Variants in PDE7B observed in about 807,000 individuals in gnomAD.
PDE7B encodes the protein 3',5'-cyclic-AMP phosphodiesterase 7B.
In PDE7B, 29 loss-of-function variants were observed where a neutral mutation model predicts 56.2. The ratio of observed to expected loss-of-function variants is 0.52; its 90% CI spans 0.38 to 0.70. The LOEUF (loss-of-function observed/expected upper bound fraction) is 0.70, where lower values mean the gene tolerates loss of function less well. Ranked by LOEUF, PDE7B falls within the 30% of genes least tolerant of loss-of-function variation. The probability of loss-of-function intolerance (pLI) is 0.00; values close to 1 mark genes in which losing one functional copy is unlikely to be tolerated. For missense variants in PDE7B, 490 were observed against 565.0 expected (o/e 0.87, Z 1.35); for synonymous variants, 197 against 196.9 (o/e 1.00, Z 0.00).
chr6:135,950,543 T>A (rs1363791147), intron 2 of PDE7B, among the ~76,000 whole-genome samples: 1 of 152,160 alleles, frequency 6.6e-6, no homozygotes, highest in Non-Finnish European at 1.5e-5. Flanking sequence ...TGGGGCCACC[T>A]CAATATTCAG....
chr6:136,124,821 T>C (rs1011255737), intron 3 of PDE7B, among the ~76,000 whole-genome samples: 5 of 152,194 alleles, frequency 3.3e-5, no homozygotes. Context: ...AAAGTTAAAT[T>C]ATATATAACA....
At position 135,948,774 on chromosome 6, in the gene PDE7B, A is replaced by G. The variant is rs1268936217; in HGVS notation, c.82+1250A>G. Among the ~76,000 whole-genome samples, 4 of 151,834 alleles carry G rather than the reference A, an allele frequency of 2.6e-5. No homozygotes were observed. In the East Asian group the frequency reaches 7.7e-4, roughly 29 times the overall value. On this transcript the variant is annotated intron_variant, in intron 2 of 12. Transcript: ENST00000308191. The stretch of plus-strand genomic sequence containing the variant: ...GCATTGCATCCATACACCCATTTCA[A>G]ATATCCAATATTCCTTCCCCTTGAA...
chr6:135,967,493 C>T (rs972188058), intron 2 of PDE7B, among the ~76,000 whole-genome samples: 4 of 152,108 alleles, frequency 2.6e-5, no homozygotes, highest in African/African-American at 9.7e-5. Context: ...ATTGCTAGCA[C>T]CAGAACTTCA....
intron 2 of PDE7B, among the ~76,000 whole-genome samples, chr6:136,100,946 T>C (rs2128217153): frequency 6.6e-6 from 1 of 152,352 alleles, no homozygotes; most frequent in South Asian, 2.1e-4. Context: ...GTTCCATCAA[T>C]ACATAGTTTA....
At chr6:136,180,827 G>A (rs74449314) in intron 10 of PDE7B, among the ~76,000 whole-genome samples, 5,342 of 152,270 alleles carry the variant, frequency 0.035, 289 homozygotes, top group Admixed American at 0.13. Flanking sequence ...TGATGTATGG[G>A]GTTTGTCAGT....
At chr6:136,163,040 G>C (rs776388910) in intron 8 of PDE7B, among the ~76,000 whole-genome samples, 10 of 152,134 alleles carry the variant, frequency 6.6e-5, no homozygotes, top group Non-Finnish European at 1.0e-4. Flanking sequence ...GCTATAGGTG[G>C]ATCTACCATT....
At position 135,851,858 on chromosome 6, in the gene PDE7B, CT is replaced by C. The variant is rs60347338; in HGVS notation, c.-128del. The C allele has an allele frequency of 0.14, 66,449 of 479,414 alleles. 232 individuals carry two copies. Among genetic ancestry groups the C allele is most frequent in the Non-Finnish European group, 0.15 (40,063 of 263,668 alleles). 29.7% of individuals were successfully genotyped at this position (479,414 alleles called of 1,614,324 possible). On this transcript the variant is annotated 5_prime_UTR_variant, in exon 1 of 13. Coordinates refer to ENST00000308191, the MANE Select transcript of PDE7B (RefSeq NM_018945.4). ...TTCTTTATTTCTTTTCCTTTTTTTT[CT>C]TTTTTTTTTTTTGTTACTTAATTAT...
intron 2 of PDE7B, among the ~76,000 whole-genome samples, chr6:136,083,932 T>G (rs1777246333): frequency 6.6e-6 from 1 of 152,232 alleles, no homozygotes; most frequent in Non-Finnish European, 1.5e-5. Flanking sequence ...AGCATTGTTG[T>G]AAATTTAAAT....
chr6:136,090,267 T>C (rs1433305637), intron 2 of PDE7B, among the ~76,000 whole-genome samples: 1 of 152,134 alleles, frequency 6.6e-6, no homozygotes, highest in Non-Finnish European at 1.5e-5. Context: ...TGCTAAAAGG[T>C]CCAGAAAAGA....
chr6:135,924,617 CTTTTT>C (rs3037775), intron 1 of PDE7B, among the ~76,000 whole-genome samples: 17,968 of 49,562 alleles, frequency 0.36, 1,584 homozygotes, highest in South Asian at 0.45. Context: ...CTCTCTCTCT[CTTTTT>C]TTTTTTTTTT....
At chr6:135,858,356 T>C (rs1775078139) in intron 1 of PDE7B, among the ~76,000 whole-genome samples, 1 of 152,164 alleles carries the variant, frequency 6.6e-6, no homozygotes, top group Non-Finnish European at 1.5e-5. Flanking sequence ...TTTCACCATG[T>C]TGGCCAGGCT....
chr6:136,128,470 T>A (rs1778057931), intron 3 of PDE7B, among the ~76,000 whole-genome samples: 1 of 152,148 alleles, frequency 6.6e-6, no homozygotes, highest in Non-Finnish European at 1.5e-5. Flanking sequence ...AGTGTCTTAA[T>A]CTTTTGGTAC....
At chr6:135,933,594 A>C (rs1177335695) in intron 1 of PDE7B, among the ~76,000 whole-genome samples, 1 of 152,182 alleles carries the variant, frequency 6.6e-6, no homozygotes, top group African/African-American at 2.4e-5. Flanking sequence ...TATTGTGTTC[A>C]ATTTATTTTT....
chr6:136,122,563 A>G (rs1304842427), intron 3 of PDE7B, among the ~76,000 whole-genome samples: 2 of 152,236 alleles, frequency 1.3e-5, no homozygotes, highest in South Asian at 2.1e-4. Context: ...GTATTCAATT[A>G]TATTTCAAAA....
intron 1 of PDE7B, among the ~76,000 whole-genome samples, chr6:135,882,109 G>T (rs1253092485): frequency 2.6e-5 from 4 of 152,150 alleles, no homozygotes; most frequent in Admixed American, 2.6e-4. Flanking sequence ...GAGAAGGAAG[G>T]CTGGCAGGAG....
At chr6:135,870,120 G>A (rs932447712) in intron 1 of PDE7B, among the ~76,000 whole-genome samples, 1 of 152,192 alleles carries the variant, frequency 6.6e-6, no homozygotes, top group African/African-American at 2.4e-5. Flanking sequence ...AGCAGCTGGT[G>A]GGTGTTGTAG....
intron 2 of PDE7B, among the ~76,000 whole-genome samples, chr6:135,975,603 T>A (rs1239567785): frequency 6.9e-6 from 1 of 145,232 alleles, no homozygotes; most frequent in Non-Finnish European, 1.5e-5. Flanking sequence ...CTGCAGGGCC[T>A]CTGGCTGAAA....
At chr6:136,019,134 A>G (rs1776028189) in intron 2 of PDE7B, among the ~76,000 whole-genome samples, 1 of 152,148 alleles carries the variant, frequency 6.6e-6, no homozygotes, top group Non-Finnish European at 1.5e-5. Context: ...AATGCAAAGT[A>G]CTTATTAAAA....
At chr6:135,921,303 G>A (rs1176160817) in intron 1 of PDE7B, among the ~76,000 whole-genome samples, 1 of 152,094 alleles carries the variant, frequency 6.6e-6, no homozygotes. Flanking sequence ...ATATTCAGGA[G>A]GCTGTAGAGT....
Sources: gnomAD v4.1 joint callset for allele counts (sites outside exome capture counted in the v4.1 genomes callset) on GRCh38, gnomAD v4.1.1 for gene constraint, MANE v1.5 for transcripts, NCBI Gene and HGNC (gene_info 2026-07-23, HGNC 2026-07-21) for gene names.